DLG2: variants seen among roughly 807,000 people sequenced by gnomAD.
DLG2 encodes the protein disks large homolog 2.
A neutral mutation model predicts 132.5 loss-of-function variants in DLG2; 45 were observed. The observed-to-expected ratio is 0.34, with a 90% CI of 0.27 to 0.44. DLG2 has a LOEUF of 0.44. DLG2 is among the 20% of genes least tolerant of loss of function. DLG2 has a pLI of 1.00. For missense variants in DLG2, 1,045 were observed against 1,196.9 expected (o/e 0.87, Z 1.87); for synonymous variants, 424 against 419.6 (o/e 1.01, Z -0.13).
intron 19 of DLG2, among the ~76,000 whole-genome samples, chr11:83,553,483 CGTGTGT>C (rs71959561): frequency 0.032 from 4,553 of 143,680 alleles, 79 homozygotes; most frequent in Middle Eastern, 0.052. Flanking sequence ...AAGTAAGCAC[CGTGTGT>C]GTGTGTGTGT....
At chr11:85,627,698 G>A (rs1170445010), upstream of DLG2, 1 of 152,182 alleles carries the variant, frequency 6.6e-6, no homozygotes, top group Non-Finnish European at 1.5e-5. Flanking sequence ...CCTTCCTTTT[G>A]CAGAAAAGAC....
chr11:84,522,463 T>TA (rs1454624306), intron 7 of DLG2, among the ~76,000 whole-genome samples: 2 of 152,166 alleles, frequency 1.3e-5, no homozygotes, highest in Non-Finnish European at 2.9e-5. Context: ...TAAATGAACT[T>TA]ACCTGTGACC....
chr11:84,228,687 A>G (rs1476302681), intron 8 of DLG2, among the ~76,000 whole-genome samples: 1 of 152,258 alleles, frequency 6.6e-6, no homozygotes, highest in Non-Finnish European at 1.5e-5. Context: ...ATCAAAATTC[A>G]TAAACACAGG....
intron 3 of DLG2, among the ~76,000 whole-genome samples, chr11:85,415,697 G>C (rs189056470): frequency 2.9e-4 from 44 of 151,664 alleles, no homozygotes; most frequent in African/African-American, 1.0e-3. Flanking sequence ...CCCACTTTTT[G>C]TTGGGTTTTT....
At chr11:84,316,809 T>A (rs2098361881) in intron 7 of DLG2, 1 of 1,589,288 alleles carries the variant, frequency 6.3e-7, no homozygotes, top group Admixed American at 1.8e-5. Flanking sequence ...GGGAAAGTCA[T>A]AAGGAAAAGG....
At chr11:84,726,070 T>C (rs991107196) in intron 6 of DLG2, among the ~76,000 whole-genome samples, 3 of 152,246 alleles carry the variant, frequency 2.0e-5, no homozygotes, top group Non-Finnish European at 2.9e-5. Flanking sequence ...GACTCTAATA[T>C]GCATCATGTT....
At chr11:83,835,830 G>A (rs1382372095) in intron 16 of DLG2, among the ~76,000 whole-genome samples, 1 of 152,104 alleles carries the variant, frequency 6.6e-6, no homozygotes, top group Non-Finnish European at 1.5e-5. Context: ...TAGGTTCCTG[G>A]CAGAATTCAG....
chr11:84,223,598 C>A (rs986717878), intron 8 of DLG2, among the ~76,000 whole-genome samples: 1 of 149,970 alleles, frequency 6.7e-6, no homozygotes, highest in Non-Finnish European at 1.5e-5. Context: ...ACTCTGTCAT[C>A]CAGGCTGGAT....
chr11:84,715,203 AT>A (rs1287443411), intron 6 of DLG2, among the ~76,000 whole-genome samples: 1 of 152,180 alleles, frequency 6.6e-6, no homozygotes, highest in African/African-American at 2.4e-5. Flanking sequence ...GAGCTGTTAT[AT>A]TAACAAATTG....
At chr11:84,294,953 A>C (rs964748915) in intron 7 of DLG2, among the ~76,000 whole-genome samples, 1 of 152,236 alleles carries the variant, frequency 6.6e-6, no homozygotes, top group African/African-American at 2.4e-5. Context: ...TCAGAGGTGT[A>C]AGTGAATTAT....
intron 7 of DLG2, among the ~76,000 whole-genome samples, chr11:84,336,375 T>C (rs1327854426): frequency 6.6e-6 from 1 of 152,232 alleles, no homozygotes; most frequent in African/African-American, 2.4e-5. Flanking sequence ...CTTGATTTAA[T>C]TCTGTTCCTC....
At chr11:84,033,996 G>A (rs547442379) in intron 11 of DLG2, among the ~76,000 whole-genome samples, 3 of 152,260 alleles carry the variant, frequency 2.0e-5, no homozygotes, top group South Asian at 2.1e-4. Flanking sequence ...CAGGAGAATC[G>A]CTTGAACCCA....
chr11:83,824,748 G>A (rs1480223348), intron 17 of DLG2, among the ~76,000 whole-genome samples: 2 of 152,034 alleles, frequency 1.3e-5, no homozygotes, highest in African/African-American at 2.4e-5. Flanking sequence ...GTACCACTGC[G>A]AGAAAAGCTG....
At chr11:83,482,837 T>C (rs1276557174) in intron 22 of DLG2, among the ~76,000 whole-genome samples, 1 of 152,148 alleles carries the variant, frequency 6.6e-6, no homozygotes, top group Non-Finnish European at 1.5e-5. Flanking sequence ...ATTAAATATT[T>C]CCATGTGAAA....
intron 21 of DLG2, among the ~76,000 whole-genome samples, chr11:83,529,934 C>T (rs2095696514): frequency 6.6e-6 from 1 of 152,098 alleles, no homozygotes. Context: ...TTCAGCCTTA[C>T]TGAAAAGACA....
At chr11:85,412,566 T>C (rs1407637946) in intron 3 of DLG2, among the ~76,000 whole-genome samples, 5 of 151,800 alleles carry the variant, frequency 3.3e-5, no homozygotes, top group African/African-American at 4.8e-5. Flanking sequence ...GTTATTCTAA[T>C]GCCTTTGCAT....
intron 3 of DLG2, among the ~76,000 whole-genome samples, chr11:85,430,011 T>G (rs2091054494): frequency 6.6e-6 from 1 of 152,068 alleles, no homozygotes; most frequent in African/African-American, 2.4e-5. Context: ...ACATACACCA[T>G]GGAATACTAT....
intron 3 of DLG2, among the ~76,000 whole-genome samples, chr11:85,403,731 C>A (rs748261583): frequency 8.6e-5 from 13 of 151,820 alleles, no homozygotes; most frequent in Non-Finnish European, 1.9e-4. Flanking sequence ...ATGGCATGAG[C>A]CTCTTTGTTA....
intron 8 of DLG2, among the ~76,000 whole-genome samples, chr11:84,236,074 C>T (rs1439905560): frequency 1.3e-5 from 2 of 148,896 alleles, no homozygotes; most frequent in African/African-American, 4.9e-5. Flanking sequence ...ACAACTAAGG[C>T]TCAGAGAGCT....
Sources: gnomAD v4.1 joint callset for allele counts (sites outside exome capture counted in the v4.1 genomes callset) on GRCh38, gnomAD v4.1.1 for gene constraint, MANE v1.5 for transcripts, NCBI Gene and HGNC (gene_info 2026-07-23, HGNC 2026-07-21) for gene names.